Variants in ASB13 observed in about 807,000 individuals in gnomAD.
The protein encoded by ASB13 is ankyrin repeat and SOCS box containing 13.
Under a neutral mutation model 28.8 loss-of-function variants are expected in ASB13, and 33 were observed. The ratio of observed to expected loss-of-function variants is 1.15; its 90% CI spans 0.87 to 1.53. ASB13 has a LOEUF of 1.53. Ranked by LOEUF, ASB13 falls within the 40% of genes most tolerant of loss-of-function variation. The probability of loss-of-function intolerance (pLI) is 0.00; values close to 1 mark genes in which losing one functional copy is unlikely to be tolerated. For synonymous variants in ASB13, 182 were observed against 172.9 expected, an observed-to-expected ratio of 1.05 and a Z score of -0.41; for missense variants, 414 against 390.1, an observed-to-expected ratio of 1.06 and a Z score of -0.52.
chr10:5,640,670 G>T lies in ASB13; in HGVS notation c.*33C>A. ...TCACCCGGGCAATGCTGGGCACAAC[G>T]GGGGCAGCCACGGTCCGGACCCCAC... On this transcript the variant is annotated 3_prime_UTR_variant, in exon 6 of 6. Coordinates refer to ENST00000357700, the MANE Select transcript of ASB13 (RefSeq NM_024701.4). 3 of 1,613,118 alleles carry T rather than the reference G, an allele frequency of 1.9e-6. No homozygotes were observed. Among genetic ancestry groups the T allele is most frequent in the Non-Finnish European group, 2.5e-6 (3 of 1,179,362 alleles).
rs1472650368 is a variant in ASB13 at position 5,656,183 on chromosome 10, A to G, written c.44-3133T>C. Among the ~76,000 whole-genome samples, 2 of 152,196 alleles carry G rather than the reference A, an allele frequency of 1.3e-5. No homozygotes were observed. The highest frequency in any genetic ancestry group is 2.9e-5 in the Non-Finnish European group (2 of 68,040). On this transcript the variant is annotated intron_variant, in intron 1 of 5. Transcript: ENST00000357700. This position sits in a 1 kb window ranked among gnomAD's most constrained non-coding sequence, Gnocchi z 4.3. ...TGGCACTGTCCAAGAAGATGCTGGT[A>G]TCCACGTGGTTGCTCAGTGAGTGAG... is the stretch of plus-strand genomic sequence containing the variant.
intron 1 of ASB13, among the ~76,000 whole-genome samples, chr10:5,654,014 G>T (rs1368339387): frequency 1.3e-5 from 2 of 151,278 alleles, no homozygotes; most frequent in Non-Finnish European, 2.9e-5. Flanking sequence ...AATTGCTCTG[G>T]CTAGGACTTG....
At chr10:5,648,785 C>G (rs1282638728) in intron 4 of ASB13, among the ~76,000 whole-genome samples, 185 bp downstream of exon 4, 1 of 149,058 alleles carries the variant, frequency 6.7e-6, no homozygotes, top group Non-Finnish European at 1.5e-5. Flanking sequence ...GGGGTAAACA[C>G]CCACGCGGGC....
At chr10:5,665,953 G>C (rs1588523604) in intron 1 of ASB13, among the ~76,000 whole-genome samples, 1 of 152,332 alleles carries the variant, frequency 6.6e-6, no homozygotes, top group Non-Finnish European at 1.5e-5. Flanking sequence ...TGGTAAAGTA[G>C]GCTGCGAACT....
chr10:5,640,715 G>C lies in ASB13; in HGVS notation c.825C>G (p.Leu275=). 1 of 1,614,192 alleles carries C rather than the reference G, an allele frequency of 6.2e-7. No homozygotes were observed. The highest frequency in any genetic ancestry group is 8.5e-7 in the Non-Finnish European group (1 of 1,180,030). ...CCCCACCTGCAATTCAGTTGTAGGA[G>C]AGGTAATCAATGAGCCGGGGCGGGA... The part of the protein sequence containing the change: ...LNIPPRLIDY[L]SYN Residue 275 remains leucine, a synonymous_variant, in exon 6 of 6, where the codon CTC becomes CTG. Transcript: ENST00000357700.
At chr10:5,665,066 A>G (rs371891563) in intron 1 of ASB13, among the ~76,000 whole-genome samples, 31 of 152,324 alleles carry the variant, frequency 2.0e-4, no homozygotes, top group African/African-American at 7.5e-4. Context: ...CATGTTGGCC[A>G]GGCTGGTCTC....
rs1447652828 is a variant in ASB13, at chr10:5,645,450, C to T, written c.518-3489G>A. ...ATTAAAAATTACTTCACCATCATAA[C>T]CGGACTTTCACCCTCCCCAGCCCTC... On this transcript the variant is annotated intron_variant, in intron 4 of 5. Transcript: ENST00000357700. The surrounding 1 kb of genome is among the most constrained non-coding windows in gnomAD (Gnocchi z 5.4). Among the ~76,000 whole-genome samples, 1 of 152,136 alleles carries T rather than the reference C, an allele frequency of 6.6e-6. No homozygotes were observed. Among genetic ancestry groups the T allele is most frequent in the East Asian group, 1.9e-4 (1 of 5,196 alleles).
Position 5,652,267 on chromosome 10 carries a change from T to C in ASB13, c.231+596A>G, listed in dbSNP as rs1370242102. Reference sequence around the variant, plus strand: ...GAGTAAACAGTACACTGTCTTCCCTTCTTCCTCACCCCTTGAACTCTGAGA... The same window carrying C: ...GAGTAAACAGTACACTGTCTTCCCTCCTTCCTCACCCCTTGAACTCTGAGA... On this transcript the variant is annotated intron_variant, in intron 2 of 5. Transcript: ENST00000357700. The surrounding 1 kb of genome is among the most constrained non-coding windows in gnomAD (Gnocchi z 5.0). Among the ~76,000 whole-genome samples, 2 of 152,194 alleles carry C rather than the reference T, an allele frequency of 1.3e-5. No homozygotes were observed. The highest frequency in any genetic ancestry group is 2.4e-5 in the African/African-American group (1 of 41,436).
rs376181226 is a variant in ASB13, at chr10:5,658,735, G to GA, written c.44-5686dup. On this transcript the variant is annotated intron_variant, in intron 1 of 5. Coordinates refer to ENST00000357700, the MANE Select transcript of ASB13 (RefSeq NM_024701.4). This position sits in a 1 kb window ranked among gnomAD's most constrained non-coding sequence, Gnocchi z 4.2. ...GTGCTCTCTACTACAATTAAAAATA[G>GA]AAAAAAAAAATTTTTAAGTAACCAG... is the stretch of plus-strand genomic sequence containing the variant. Among the ~76,000 whole-genome samples the GA allele has an allele frequency of 2.0e-5, 3 of 151,596 alleles. No homozygotes were observed. The highest frequency in any genetic ancestry group is 1.9e-4 in the East Asian group (1 of 5,152).
intron 1 of ASB13, among the ~76,000 whole-genome samples, chr10:5,654,825 G>A (rs1183613607): frequency 6.6e-6 from 1 of 152,150 alleles, no homozygotes; most frequent in South Asian, 2.1e-4. Context: ...GGCTAGGTGC[G>A]GTGGCTCATG....
At position 5,648,967 on chromosome 10, in the gene ASB13, C is replaced by T; in HGVS notation, c.517+3G>A. On this transcript the variant is annotated splice_donor_region_variant and intron_variant, in intron 4 of 5. Coordinates refer to ENST00000357700, the MANE Select transcript of ASB13 (RefSeq NM_024701.4). ...ACACCCGCTCGGGCAAACACCCACT[C>T]ACCTGCATTGAGCAGCACTTTGACA... is the stretch of plus-strand genomic sequence containing the variant. 1 of 1,614,036 alleles carries T rather than the reference C, an allele frequency of 6.2e-7. No homozygotes were observed. Among genetic ancestry groups the T allele is most frequent in the Non-Finnish European group, 8.5e-7 (1 of 1,179,876 alleles).
rs1327666397 is a variant in ASB13 at position 5,652,685 on chromosome 10, C to T, written c.231+178G>A. ...CTCAGGCTGCCCTTTCTTCCACCAC[C>T]GTGACCTCCTAACAGCCAGGTCCAC... On this transcript the variant is annotated intron_variant, in intron 2 of 5. Transcript: ENST00000357700. The surrounding 1 kb of genome is among the most constrained non-coding windows in gnomAD (Gnocchi z 5.0). 4.6e-5 allele frequency among the ~76,000 whole-genome samples: 7 copies of T among 152,228 alleles called. No individual in the cohort carries two copies. The highest frequency in any genetic ancestry group is 1.4e-4 in the African/African-American group (6 of 41,468).
rs1187484183 is a variant in ASB13 at position 5,655,088 on chromosome 10, G to C, written c.44-2038C>G. ...CTGCACCATAGCCTGGGCAACAAGAGTGAAACTCTGTCTTTAAAAAAAAAA... is the reference window on the plus strand; with the variant it reads ...CTGCACCATAGCCTGGGCAACAAGACTGAAACTCTGTCTTTAAAAAAAAAA... On this transcript the variant is annotated intron_variant, in intron 1 of 5. Coordinates refer to ENST00000357700, the MANE Select transcript of ASB13 (RefSeq NM_024701.4). This position sits in a 1 kb window ranked among gnomAD's most constrained non-coding sequence, Gnocchi z 6.2. Among the ~76,000 whole-genome samples the C allele has an allele frequency of 1.3e-5, 2 of 151,540 alleles. No homozygotes were observed. The highest frequency in any genetic ancestry group is 3.9e-4 in the East Asian group (2 of 5,176).
Position 5,649,780 on chromosome 10 carries a change from C to T in ASB13, c.383-676G>A, listed in dbSNP as rs916001655. Reference sequence around the variant, plus strand: ...ACCTCAGGTGATCCGCCCACCTCAGCCTCCCAAAGTGCTGGGATTACCAAG... The same window carrying T: ...ACCTCAGGTGATCCGCCCACCTCAGTCTCCCAAAGTGCTGGGATTACCAAG... On this transcript the variant is annotated intron_variant, in intron 3 of 5. Coordinates refer to ENST00000357700, the MANE Select transcript of ASB13 (RefSeq NM_024701.4). This position sits in a 1 kb window ranked among gnomAD's most constrained non-coding sequence, Gnocchi z 6.4. Among the ~76,000 whole-genome samples, 4 of 152,182 alleles carry T rather than the reference C, an allele frequency of 2.6e-5. No homozygotes were observed. The highest frequency in any genetic ancestry group is 2.9e-5 in the Non-Finnish European group (2 of 68,036).
chr10:5,657,913 C>T (rs11257371), intron 1 of ASB13, among the ~76,000 whole-genome samples: 1,912 of 152,216 alleles, frequency 0.013, 18 homozygotes, highest in East Asian at 0.022. Context: ...TTTGGGAGGC[C>T]GAGGCGGGCA....
At position 5,642,982 on chromosome 10, in the gene ASB13, C is replaced by A. The variant is rs1385191613; in HGVS notation, c.518-1021G>T. 6.6e-6 allele frequency among the ~76,000 whole-genome samples: 1 copy of A among 152,102 alleles called. No individual in the cohort carries two copies. The highest frequency in any genetic ancestry group is 1.5e-5 in the Non-Finnish European group (1 of 68,018). On this transcript the variant is annotated intron_variant, in intron 4 of 5. Coordinates refer to ENST00000357700, the MANE Select transcript of ASB13 (RefSeq NM_024701.4). This position sits in a 1 kb window ranked among gnomAD's most constrained non-coding sequence, Gnocchi z 4.1. ...GTAACACATCATTCTTAGGGCACAGCCATCACTGATCCGATACAATGGAAT... is the reference window on the plus strand; with the variant it reads ...GTAACACATCATTCTTAGGGCACAGACATCACTGATCCGATACAATGGAAT...
Position 5,660,471 on chromosome 10 carries a change from C to T in ASB13, c.43+6038G>A, listed in dbSNP as rs1432698869. 6.6e-6 allele frequency among the ~76,000 whole-genome samples: 1 copy of T among 152,146 alleles called. No individual in the cohort carries two copies. The highest frequency in any genetic ancestry group is 1.5e-5 in the Non-Finnish European group (1 of 68,024). ...AACAGGTCAAGTGGCTCAGGGTCAG[C>T]CTACCCTCAGGGAGCAGACTCTACA... On this transcript the variant is annotated intron_variant, in intron 1 of 5. Coordinates refer to ENST00000357700, the MANE Select transcript of ASB13 (RefSeq NM_024701.4). The surrounding 1 kb of genome is among the most constrained non-coding windows in gnomAD (Gnocchi z 6.1).
Position 5,651,288 on chromosome 10 carries a change from G to A in ASB13, c.307C>T (p.Leu103Phe). Residue 103 changes from leucine to phenylalanine, a missense_variant, in exon 3 of 6, where the codon CTC becomes TTC. Leu to Phe is a conservative substitution (Grantham distance 22, BLOSUM62 0). Transcript: ENST00000357700. This position sits in a 1 kb window ranked among gnomAD's most constrained non-coding sequence, Gnocchi z 5.1. ...ACCTTGGCCCCGTAGGACAGCAAGA[G>A]CTTCACACACTCGATGCTGCCCGAG... is the stretch of plus-strand genomic sequence containing the variant. ...CASGSIECVK[L>F]LLSYGAKVNP... 6.2e-7 allele frequency: 1 copy of A among 1,614,100 alleles called. No individual in the cohort carries two copies. The highest frequency in any genetic ancestry group is 1.7e-5 in the Admixed American group (1 of 60,008).
chr10:5,649,095 T>C lies in ASB13; in HGVS notation c.392A>G (p.Glu131Gly). The C allele has an allele frequency of 1.2e-6, 2 of 1,614,170 alleles. No individual in the cohort carries two copies. The highest frequency in any genetic ancestry group is 1.7e-6 in the Non-Finnish European group (2 of 1,180,026). ...LHEACMSGSS[E>G]CVRLLIDVGA... ...GACGTCAATAAGAAGCCTCACACAT[T>C]CGGAACTCCCTTAAGATAAATGGAA... Residue 131 changes from glutamate to glycine, a missense_variant, in exon 4 of 6, where the codon GAA becomes GGA. Transcript: ENST00000357700. This position sits in a 1 kb window ranked among gnomAD's most constrained non-coding sequence, Gnocchi z 6.4.
Sources: gnomAD v4.1 joint callset for allele counts (sites outside exome capture counted in the v4.1 genomes callset) on GRCh38, gnomAD v4.1.1 for gene constraint, Gnocchi (gnomAD v3.1) non-coding constraint, MANE v1.5 for transcripts, NCBI Gene and HGNC (gene_info 2026-07-23, HGNC 2026-07-21) for gene names.